Variants in ARHGEF40 observed in about 807,000 individuals in gnomAD.
ARHGEF40 encodes Rho guanine nucleotide exchange factor (GEF) 40.
A neutral mutation model predicts 165.9 loss-of-function variants in ARHGEF40; 98 were observed. That is an observed-to-expected ratio of 0.59 (90% CI 0.50 to 0.70). The LOEUF (loss-of-function observed/expected upper bound fraction) is 0.70. Among genes scored for constraint, ARHGEF40 ranks in the 30% least tolerant of loss-of-function variants. ARHGEF40 has a pLI of 0.00. For synonymous variants in ARHGEF40, 792 were observed against 814.3 expected (o/e 0.97, Z 0.47); for missense variants, 1,815 against 1,968.0 (o/e 0.92, Z 1.47).
At chr14:21,088,986 C>A in intron 23 of ARHGEF40, 28 bp from the exon 24 acceptor site, 3 of 1,081,662 alleles carry the variant, frequency 2.8e-6, no homozygotes, top group South Asian at 1.4e-5. Flanking sequence ...TCTCCCAACT[C>A]ATCTCCCTCT....
chr14:21,082,962 A>G (rs1888045184), intron 16 of ARHGEF40, 45 bp downstream of exon 16: 4 of 1,582,262 alleles, frequency 2.5e-6, no homozygotes, highest in Non-Finnish European at 3.5e-6. Context: ...AGAGGCCAGA[A>G]AGACCTAAAA....
rs1334405488 is a variant in ARHGEF40, at chr14:21,075,129, G to A, written c.1399G>A (p.Glu467Lys). The A allele has an allele frequency of 6.2e-7, 1 of 1,612,422 alleles. No individual in the cohort carries two copies. The highest frequency in any genetic ancestry group is 2.2e-5 in the East Asian group (1 of 44,892). Reference sequence around the variant, plus strand: ...CTCTGAAGCCTGTGGGCCTACAGAAGAGGGGGCCGGAGAGAGAGAGCTGGA... The same window carrying A: ...CTCTGAAGCCTGTGGGCCTACAGAAAAGGGGGCCGGAGAGAGAGAGCTGGA... ...QLSEACGPTE[E>K]GAGERELEGP... is the part of the protein sequence containing the mutation. The change falls in exon 3 of 24, where the codon GAG (glutamate) becomes AAG (lysine). Residue 467 changes from glutamate (E) to lysine (K), a missense_variant. Physicochemically the swap from Glu to Lys is moderately conservative, Grantham distance 56 (BLOSUM62 1). Coordinates refer to ENST00000298694, the MANE Select transcript of ARHGEF40 (RefSeq NM_018071.5). This position sits in a 1 kb window ranked among gnomAD's most constrained non-coding sequence, Gnocchi z 4.5.
chr14:21,073,368 G>A lies in ARHGEF40; in HGVS notation c.201+126G>A. ...GCCTCCCTTGAAACCGATCTCTCCA[G>A]AATCACTTAAGCTTCATTCTCTGAC... On this transcript the variant is annotated intron_variant, in intron 2 of 23. Coordinates refer to ENST00000298694, the MANE Select transcript of ARHGEF40 (RefSeq NM_018071.5). The surrounding 1 kb of genome is among the most constrained non-coding windows in gnomAD (Gnocchi z 4.6). 2 of 1,102,846 alleles carry A rather than the reference G, an allele frequency of 1.8e-6. No individual in the cohort carries two copies. 68.3% of individuals were successfully genotyped at this position (1,102,846 alleles called of 1,614,324 possible). A position where few individuals can be genotyped will look rare whatever the true frequency, so the allele number is the denominator to read the frequency against.
chr14:21,084,187 G>C, intron 17 of ARHGEF40, 137 bp downstream of exon 17: 1 of 878,576 alleles, frequency 1.1e-6, no homozygotes, highest in Non-Finnish European at 1.7e-6. Flanking sequence ...GGGTGGCCTT[G>C]ATTGAGTCAC....
rs1209901341 is a variant in ARHGEF40 at position 21,078,469 on chromosome 14, C to T, written c.2227C>T (p.Arg743Cys). 6.3e-6 allele frequency: 10 copies of T among 1,595,996 alleles called. No individual in the cohort carries two copies. Among genetic ancestry groups the T allele is most frequent in the East Asian group, 2.2e-5 (1 of 44,678 alleles). ...TGGGGGGGCCATCCTGATGAGGCTG[C>T]GCTCCACTCCCAGCAGCAAGTACGA... is the stretch of plus-strand genomic sequence containing the variant. ...RDGGAILMRLRSTPSSKLEGQ... is the reference protein window; with the variant it reads ...RDGGAILMRLCSTPSSKLEGQ... The change falls in exon 10 of 24, where the codon CGC becomes TGC. Residue 743 changes from arginine to cysteine, a missense_variant. Transcript: ENST00000298694.
intron 8 of ARHGEF40, among the ~76,000 whole-genome samples, chr14:21,077,860 A>G (rs1887551730): frequency 6.6e-6 from 1 of 152,158 alleles, no homozygotes; most frequent in African/African-American, 2.4e-5. Context: ...TGACAGGGGG[A>G]AGCCCCACTG....
rs538812334 is a variant in ARHGEF40 at position 21,083,859 on chromosome 14, C to G, written c.3598C>G (p.Leu1200Val). The change falls in exon 17 of 24, where the codon CTG (leucine) becomes GTG (valine). Residue 1200 changes from leucine (L) to valine (V), a missense_variant. Leu to Val is a conservative substitution (Grantham distance 32). Transcript: ENST00000298694. Reference protein sequence around the residue: ...SKGSMEAGPYLPRALQQPLEQ... With the variant: ...SKGSMEAGPYVPRALQQPLEQ... ...GGGCTCCATGGAGGCTGGCCCTTAC[C>G]TGCCCCGAGCCCTGCAGCAGCCTCT... 2 of 1,613,858 alleles carry G rather than the reference C, an allele frequency of 1.2e-6. No homozygotes were observed. The highest frequency in any genetic ancestry group is 2.2e-5 in the South Asian group (2 of 91,058).
chr14:21,067,899 T>C (rs1180880739), upstream of ARHGEF40, among the ~76,000 whole-genome samples: 2 of 151,418 alleles, frequency 1.3e-5, no homozygotes, highest in Non-Finnish European at 2.9e-5. Flanking sequence ...TTAAAACTCC[T>C]GGAAAGAAGG....
At position 21,078,997 on chromosome 14, in the gene ARHGEF40, G is replaced by A. The variant is rs143586197; in HGVS notation, c.2360G>A (p.Arg787Gln). ...VQQQEQRQCLRRLQQVLQWLS... is the reference protein window; with the variant it reads ...VQQQEQRQCLQRLQQVLQWLS... ...CAGCAAGAGCAGCGGCAGTGCCTGC[G>A]GCGACTCCAGCAGGTGAGCCAGGAT... Residue 787 changes from arginine (R) to glutamine (Q), a missense_variant, in exon 11 of 24, where the codon CGG (arginine) becomes CAG (glutamine). Coordinates refer to ENST00000298694, the MANE Select transcript of ARHGEF40 (RefSeq NM_018071.5). 6.3e-5 allele frequency: 102 copies of A among 1,613,228 alleles called. No homozygotes were observed. The highest frequency in any genetic ancestry group is 8.3e-5 in the Admixed American group (5 of 60,024).
Position 21,084,825 on chromosome 14 carries a change from C to T in ARHGEF40, c.3862C>T (p.Leu1288Phe). The T allele has an allele frequency of 6.2e-7, 1 of 1,614,238 alleles. No individual in the cohort carries two copies. Among genetic ancestry groups the T allele is most frequent in the Non-Finnish European group, 8.5e-7 (1 of 1,180,044 alleles). The part of the protein sequence containing the change: ...FTVICGRKKC[L>F]RHVFLFEHLL... ...TGTCATCTGTGGCCGAAAGAAGTGC[C>T]TTCGCCATGTCTTTCTCTTCGAGCA... The change falls in exon 18 of 24, where the codon CTT (leucine) becomes TTT (phenylalanine). Residue 1288 changes from leucine to phenylalanine, a missense_variant. Leu to Phe is a conservative substitution (Grantham distance 22). Coordinates refer to ENST00000298694, the MANE Select transcript of ARHGEF40 (RefSeq NM_018071.5).
intron 22 of ARHGEF40, 89 bp downstream of exon 22, chr14:21,088,187 TGGGG>T: frequency 6.8e-7 from 1 of 1,476,334 alleles, no homozygotes; most frequent in Non-Finnish European, 9.0e-7. Flanking sequence ...CCAGGGGGGT[TGGGG>T]GAAAACTGTG....
Position 21,070,518 on chromosome 14 carries a change from A to G in ARHGEF40, c.3+119A>G. 8.5e-7 allele frequency: 1 copy of G among 1,175,966 alleles called. No homozygotes were observed. Among genetic ancestry groups the G allele is most frequent in the South Asian group, 2.0e-5 (1 of 50,146 alleles). The allele number at this position is 1,175,966 out of a possible 1,614,324, so 72.8% of individuals were successfully genotyped here. ...CCTCGGACTGTTCGGCCCCTCTGGG[A>G]CTCTCCTCCCTCCCATCCCCCCTTC... On this transcript the variant is annotated intron_variant, in intron 1 of 23. Coordinates refer to ENST00000298694, the MANE Select transcript of ARHGEF40 (RefSeq NM_018071.5). This position sits in a 1 kb window ranked among gnomAD's most constrained non-coding sequence, Gnocchi z 4.7.
chr14:21,084,144 C>T (rs1888162136), intron 17 of ARHGEF40, 94 bp downstream of exon 17: 4 of 1,286,354 alleles, frequency 3.1e-6, no homozygotes, highest in Non-Finnish European at 4.2e-6. Context: ...GGCTCCAGGT[C>T]AGAGGGCTCC....
At position 21,078,419 on chromosome 14, in the gene ARHGEF40, C is replaced by G. The variant is rs1425847326; in HGVS notation, c.2177C>G (p.Pro726Arg). Residue 726 changes from proline to arginine, a missense_variant, in exon 10 of 24, where the codon CCC becomes CGC. Coordinates refer to ENST00000298694, the MANE Select transcript of ARHGEF40 (RefSeq NM_018071.5). The part of the protein sequence containing the change: ...PKPLQKVLAD[P>R]RLTALQRDGG... ...CCACTGCAGAAGGTGCTGGCAGATCCCCGGCTGACGGCACTGCAGAGGGAT... is the reference window on the plus strand; with the variant it reads ...CCACTGCAGAAGGTGCTGGCAGATCGCCGGCTGACGGCACTGCAGAGGGAT... 4 of 1,611,382 alleles carry G rather than the reference C, an allele frequency of 2.5e-6. No individual in the cohort carries two copies. The highest frequency in any genetic ancestry group is 1.3e-5 in the African/African-American group (1 of 74,888).
At chr14:21,070,036 C>A (rs1405031548), upstream of ARHGEF40, among the ~76,000 whole-genome samples, 2 of 152,276 alleles carry the variant, frequency 1.3e-5, no homozygotes, top group East Asian at 3.9e-4. This position sits in a 1 kb window ranked among gnomAD's most constrained non-coding sequence, Gnocchi z 4.7. Flanking sequence ...CTCCGAGGGT[C>A]AGGGTCGAGG....
the ARHGEF40 span, among the ~76,000 whole-genome samples, chr14:21,062,886 G>A: frequency 2.0e-5 from 3 of 151,424 alleles, no homozygotes; most frequent in Non-Finnish European, 4.4e-5. Flanking sequence ...GGCTGAGGCA[G>A]GAGGATCAAT....
At chr14:21,082,964 G>A in intron 16 of ARHGEF40, 47 bp downstream of exon 16, 3 of 1,582,876 alleles carry the variant, frequency 1.9e-6, no homozygotes, top group Non-Finnish European at 2.6e-6. Context: ...AGGCCAGAAA[G>A]ACCTAAAAAC....
chr14:21,067,119 T>C (rs12883040), upstream of ARHGEF40, among the ~76,000 whole-genome samples: 32,060 of 152,096 alleles, frequency 0.21, 3,774 homozygotes, highest in South Asian at 0.33. Flanking sequence ...ATGGCAGTCA[T>C]AGCTCTTGGT....
At chr14:21,071,991 G>T (rs968828534) in intron 1 of ARHGEF40, among the ~76,000 whole-genome samples, 2 of 152,230 alleles carry the variant, frequency 1.3e-5, no homozygotes, top group African/African-American at 4.8e-5. Flanking sequence ...CAAAGGCAAG[G>T]TATGGGGGTA....
Sources: gnomAD v4.1 joint callset for allele counts (sites outside exome capture counted in the v4.1 genomes callset) on GRCh38, gnomAD v4.1.1 for gene constraint, Gnocchi (gnomAD v3.1) non-coding constraint, MANE v1.5 for transcripts, NCBI Gene and HGNC (gene_info 2026-07-23, HGNC 2026-07-21) for gene names.